ZFAND2A: variants seen among roughly 807,000 people sequenced by gnomAD.
The protein encoded by ZFAND2A is zinc finger AN1-type containing 2A.
Under a neutral mutation model 11.6 loss-of-function variants are expected in ZFAND2A, and 20 were observed. The ratio of observed to expected loss-of-function variants is 1.72; its 90% CI spans 1.21 to 2.50. The LOEUF is 2.50. Ranked by LOEUF, ZFAND2A falls within the 30% of genes most tolerant of loss-of-function variation. The pLI, the probability that ZFAND2A is intolerant of heterozygous loss-of-function variation, is 0.00. For missense variants in ZFAND2A, 234 were observed against 182.9 expected (o/e 1.28, Z -1.61); for synonymous variants, 93 against 60.6 (o/e 1.54, Z -2.48).
downstream of ZFAND2A, among the ~76,000 whole-genome samples, chr7:1,149,068 G>A (rs1340427814): frequency 1.3e-5 from 2 of 152,022 alleles, no homozygotes; most frequent in South Asian, 4.1e-4. Context: ...AAGGTACTGC[G>A]ATTACGGGCA....
At position 1,157,829 on chromosome 7, in the gene ZFAND2A, A is replaced by G. The variant is rs577822341; in HGVS notation, c.56-79T>C. ...GATAGTACTATCAAAGTGTTTACCTACACTAAGTGTTTTAGGCCTATGAGA... is the reference window on the plus strand; with the variant it reads ...GATAGTACTATCAAAGTGTTTACCTGCACTAAGTGTTTTAGGCCTATGAGA... On this transcript the variant is annotated intron_variant, in intron 2 of 4. Transcript: ENST00000316495. 233 of 1,149,188 alleles carry G rather than the reference A, an allele frequency of 2.0e-4. No individual in the cohort carries two copies. In the African/African-American group the frequency reaches 3.3e-3, roughly 16 times the overall value. 71.2% of individuals were successfully genotyped at this position (1,149,188 alleles called of 1,614,324 possible).
chr7:1,155,316 G>T, intron 4 of ZFAND2A, 137 bp downstream of exon 4: 1 of 1,237,390 alleles, frequency 8.1e-7, no homozygotes. Context: ...TTAGGACAGG[G>T]ATAACGCAGC....
intron 4 of ZFAND2A, among the ~76,000 whole-genome samples, chr7:1,154,426 G>A (rs1793473733): frequency 6.6e-6 from 1 of 152,230 alleles, no homozygotes; most frequent in African/African-American, 2.4e-5. Context: ...CGGGCCAGGA[G>A]CAGCCGGGAG....
chr7:1,158,151 T>C lies in ZFAND2A; in HGVS notation c.55+7A>G, dbSNP rs756839346. 11 of 1,613,340 alleles carry C rather than the reference T, an allele frequency of 6.8e-6. No homozygotes were observed. The highest frequency in any genetic ancestry group is 9.3e-6 in the Non-Finnish European group (11 of 1,179,576). On this transcript the variant is annotated splice_region_variant and intron_variant, in intron 2 of 4. Transcript: ENST00000316495. The stretch of plus-strand genomic sequence containing the variant: ...CATTTTCTATTAAGTCTCTTAAAAG[T>C]ACTCACCTAGCTGCTTGCAAGTCTT...
intron 3 of ZFAND2A, 125 bp from the exon 4 acceptor site, chr7:1,155,709 C>A: frequency 7.8e-7 from 1 of 1,276,394 alleles, no homozygotes; most frequent in Non-Finnish European, 1.1e-6. Context: ...GTCTCCCGAG[C>A]CCTCCGAGAA....
At chr7:1,155,769 G>T in intron 3 of ZFAND2A, 185 bp from the exon 4 acceptor site, 1 of 642,656 alleles carries the variant, frequency 1.6e-6, no homozygotes, top group Non-Finnish European at 2.4e-6. Flanking sequence ...TAGAATGTGG[G>T]CATCAGCTGC....
At chr7:1,156,111 C>CCGCCCAGCAGCTAA (rs11268909) in intron 3 of ZFAND2A, among the ~76,000 whole-genome samples, 1,218 of 120,328 alleles carry the variant, frequency 0.01, 72 homozygotes, top group African/African-American at 0.04. Flanking sequence ...AAGGGGTGGA[C>CCGCCCAGCAGCTAA]CGCCCAGCAA....
In ZFAND2A at chr7:1,158,276, A is replaced by G; in HGVS notation, c.-45-19T>C. The G allele has an allele frequency of 9.4e-6, 14 of 1,497,224 alleles. No individual in the cohort carries two copies. Among genetic ancestry groups the G allele is most frequent in the Non-Finnish European group, 1.3e-5 (14 of 1,079,288 alleles). 92.7% of individuals were successfully genotyped at this position (1,497,224 alleles called of 1,614,324 possible). On this transcript the variant is annotated intron_variant, in intron 1 of 4. Transcript: ENST00000316495. The stretch of plus-strand genomic sequence containing the variant: ...GTGTCACCTACAAGAGAATCAGAAT[A>G]GTTAGGAGGAAAGCTGGACTGCCCT...
intron 3 of ZFAND2A, 46 bp downstream of exon 3, chr7:1,157,610 C>CTTCAGACGG (rs1562347128): frequency 6.5e-7 from 1 of 1,545,298 alleles, no homozygotes; most frequent in Non-Finnish European, 8.8e-7. Context: ...GACAGTGCAG[C>CTTCAGACGG]TTCAGACGGT....
chr7:1,159,810 C>T lies in ZFAND2A; in HGVS notation c.-46+154G>A, dbSNP rs1793639558. On this transcript the variant is annotated intron_variant, in intron 1 of 4. Transcript: ENST00000316495. The stretch of plus-strand genomic sequence containing the variant: ...AGACCCCGGCAGGCCCGGTCCCCAG[C>T]AGACAGGCCGGACCCCCAGCAGCCT... Among the ~76,000 whole-genome samples, 2 of 104,582 alleles carry T rather than the reference C, an allele frequency of 1.9e-5. 1 individual carries two copies. Among genetic ancestry groups the T allele is most frequent in the Non-Finnish European group, 4.6e-5 (2 of 43,440 alleles). The allele number at this position is 104,582 out of a possible 152,430, so 68.6% of individuals were successfully genotyped here.
chr7:1,149,747 C>T (rs1203356542), downstream of ZFAND2A, among the ~76,000 whole-genome samples: 4 of 152,148 alleles, frequency 2.6e-5, no homozygotes, highest in Non-Finnish European at 5.9e-5. Flanking sequence ...TGCGGCACGG[C>T]GCTGCGTGTT....
At chr7:1,159,914 G>C (rs1485605757) in intron 1 of ZFAND2A, 50 bp downstream of exon 1, 1 of 171,354 alleles carries the variant, frequency 5.8e-6, no homozygotes, top group Non-Finnish European at 1.3e-5. Flanking sequence ...CTGACCTCAA[G>C]GCAGGCCCGA....
In ZFAND2A at chr7:1,154,687, A is replaced by G. The variant is rs148097282; in HGVS notation, c.282+766T>C. On this transcript the variant is annotated intron_variant, in intron 4 of 4. Coordinates refer to ENST00000316495, the MANE Select transcript of ZFAND2A (RefSeq NM_182491.4). ...CTAAGGAACACTGATTTTATTCTCT[A>G]TGTTTGAGACCAAAAGTTATTTGGT... Among the ~76,000 whole-genome samples, 59 of 152,336 alleles carry G rather than the reference A, an allele frequency of 3.9e-4. No homozygotes were observed. The East Asian group carries it at 8.9e-3, about 23-fold the overall frequency.
rs11547081 is a variant in ZFAND2A at position 1,155,546 on chromosome 7, G to A, written c.189C>T (p.Pro63=). Residue 63 remains proline (P), a synonymous_variant, in exon 4 of 5, where the codon CCC becomes CCT. Coordinates refer to ENST00000316495, the MANE Select transcript of ZFAND2A (RefSeq NM_182491.4). The part of the protein sequence containing the change: ...HVPVCPLCNT[P]IPVKKGQIPD... ...GTATCTGGCCCTTTTTTACTGGGAT[G>A]GGGGTATTACAGAGTGGGCATACTG... The A allele has an allele frequency of 1.9e-6, 3 of 1,613,748 alleles. No individual in the cohort carries two copies. The highest frequency in any genetic ancestry group is 2.2e-5 in the East Asian group (1 of 44,888).
Position 1,155,016 on chromosome 7 carries a change from G to A in ZFAND2A, c.282+437C>T, listed in dbSNP as rs572568019. 7.2e-5 allele frequency among the ~76,000 whole-genome samples: 11 copies of A among 152,308 alleles called. No individual in the cohort carries two copies. The South Asian group carries it at 1.9e-3, about 26-fold the overall frequency. ...GCCTGTAGTCCCAGCTACTCGGGAG[G>A]CTGAGACAGGAGAATCGCTTTAACC... On this transcript the variant is annotated intron_variant, in intron 4 of 4. Transcript: ENST00000316495.
At position 1,155,453 on chromosome 7, in the gene ZFAND2A, C is replaced by T. The variant is rs1793499899; in HGVS notation, c.282G>A (p.Lys94=). ...GAACTGAGGCGGGCTCTGTCCTTAC[C>T]TTCTCTTTCTTCTTCCCAGGGTGAG... ...CDSHPGKKKE[K]IFTYRCSKEG... is the part of the protein sequence containing the mutation. Residue 94 remains lysine (K), a splice_region_variant and synonymous_variant, in exon 4 of 5, where the codon AAG becomes AAA. Transcript: ENST00000316495. The T allele has an allele frequency of 1.2e-6, 2 of 1,613,164 alleles. No homozygotes were observed. Among genetic ancestry groups the T allele is most frequent in the Admixed American group, 1.7e-5 (1 of 59,928 alleles).
At chr7:1,158,820 C>T (rs772023233) in intron 1 of ZFAND2A, among the ~76,000 whole-genome samples, 2 of 152,106 alleles carry the variant, frequency 1.3e-5, no homozygotes, top group Non-Finnish European at 2.9e-5. Flanking sequence ...GTGAAACTAC[C>T]GCACTCGAGA....
At chr7:1,152,803 G>A (rs549490156), downstream of ZFAND2A, 5 of 576,016 alleles carry the variant, frequency 8.7e-6, no homozygotes, top group Non-Finnish European at 1.6e-5. Context: ...CCTGCGCCTG[G>A]ACCTCCAGCC....
At chr7:1,159,328 G>A (rs76479268) in intron 1 of ZFAND2A, among the ~76,000 whole-genome samples, 3,351 of 152,296 alleles carry the variant, frequency 0.022, 124 homozygotes, top group East Asian at 0.19. Flanking sequence ...ACCCTACCCT[G>A]GCGGGCCGGG....
Sources: allele counts gnomAD v4.1 joint callset (sites outside exome capture counted in the v4.1 genomes callset), GRCh38; gene constraint gnomAD v4.1.1; transcripts MANE v1.5; gene names NCBI Gene and HGNC (gene_info 2026-07-23, HGNC 2026-07-21).